The following HECW1 variants were observed in gnomAD, a reference collection of about 807,000 sequenced individuals.
HECW1 encodes the protein E3 ubiquitin-protein ligase HECW1.
Under a neutral mutation model 182.3 loss-of-function variants are expected in HECW1, and 61 were observed. The observed-to-expected ratio is 0.33, with a 90% CI of 0.27 to 0.41. HECW1 has a LOEUF of 0.41. HECW1 is among the 10% of genes least tolerant of loss of function. The probability of loss-of-function intolerance (pLI) is 1.00; values close to 1 mark genes in which losing one functional copy is unlikely to be tolerated. For missense variants in HECW1, 1,739 were observed against 2,108.9 expected (o/e 0.82, Z 3.44); for synonymous variants, 859 against 832.6 (o/e 1.03, Z -0.55).
At chr7:43,281,162 C>T (rs1803851922) in intron 3 of HECW1, among the ~76,000 whole-genome samples, 3 of 152,206 alleles carry the variant, frequency 2.0e-5, no homozygotes. Context: ...GCAAAGAGCA[C>T]TGCTGAGAGT....
chr7:43,408,942 T>C (rs976675544), intron 8 of HECW1, among the ~76,000 whole-genome samples: 1 of 152,222 alleles, frequency 6.6e-6, no homozygotes, highest in African/African-American at 2.4e-5. Flanking sequence ...TAGATTACCC[T>C]CATCAGCCTA....
At chr7:43,302,678 G>T (rs907864074) in intron 3 of HECW1, among the ~76,000 whole-genome samples, 2 of 152,186 alleles carry the variant, frequency 1.3e-5, no homozygotes, top group Admixed American at 6.5e-5. Context: ...TGTATGGTCC[G>T]CAGGGCTCCT....
chr7:43,415,167 C>T (rs936971487), intron 8 of HECW1, among the ~76,000 whole-genome samples: 3 of 150,516 alleles, frequency 2.0e-5, no homozygotes, highest in African/African-American at 4.9e-5. Flanking sequence ...CGGCTGGTAC[C>T]GGTTGTTCCT....
At chr7:43,322,091 C>T (rs567993849) in intron 5 of HECW1, among the ~76,000 whole-genome samples, 39 of 152,178 alleles carry the variant, frequency 2.6e-4, no homozygotes, top group East Asian at 1.7e-3. Context: ...TTTTTTGAGA[C>T]GGAGTTTCGT....
chr7:43,124,257 G>A (rs1314638616), intron 2 of HECW1, among the ~76,000 whole-genome samples: 1 of 152,210 alleles, frequency 6.6e-6, no homozygotes, highest in African/African-American at 2.4e-5. Flanking sequence ...GAACGGCTTT[G>A]CTTTTACATT....
intron 5 of HECW1, among the ~76,000 whole-genome samples, chr7:43,344,443 T>A (rs1324293265): frequency 6.7e-6 from 1 of 148,876 alleles, no homozygotes; most frequent in Non-Finnish European, 1.5e-5. Context: ...AGAAGTCGTC[T>A]GTCAATATGA....
chr7:43,399,053 A>C (rs1584768075), intron 7 of HECW1, among the ~76,000 whole-genome samples: 1 of 152,242 alleles, frequency 6.6e-6, no homozygotes, highest in East Asian at 1.9e-4. Flanking sequence ...TCCAGGAGCA[A>C]TTTGGGGGTA....
chr7:43,196,699 T>A (rs1246574879), intron 2 of HECW1, among the ~76,000 whole-genome samples: 1 of 152,156 alleles, frequency 6.6e-6, no homozygotes, highest in Non-Finnish European at 1.5e-5. Context: ...GTTTTGATAG[T>A]TTTTTCCACA....
chr7:43,504,971 C>T (rs1282120444), intron 21 of HECW1, among the ~76,000 whole-genome samples: 2 of 152,314 alleles, frequency 1.3e-5, no homozygotes, highest in East Asian at 1.9e-4. Context: ...TCCTAATCTC[C>T]GGCAGCGTGT....
At chr7:43,162,610 A>C (rs765502041) in intron 2 of HECW1, among the ~76,000 whole-genome samples, 1 of 152,254 alleles carries the variant, frequency 6.6e-6, no homozygotes, top group African/African-American at 2.4e-5. Context: ...GTTGCCAGGC[A>C]TTAGGACATG....
chr7:43,208,829 A>G (rs73314775), intron 2 of HECW1, among the ~76,000 whole-genome samples: 2,540 of 152,262 alleles, frequency 0.017, 69 homozygotes, highest in African/African-American at 0.058. Flanking sequence ...GGCTTCCAGC[A>G]TGGAACCGGA....
chr7:43,172,384 T>G (rs1791784245), intron 2 of HECW1, among the ~76,000 whole-genome samples: 1 of 151,566 alleles, frequency 6.6e-6, no homozygotes, highest in African/African-American at 2.4e-5. Context: ...TTTAGAAAAT[T>G]TTTAGTATTT....
At chr7:43,540,124 T>C (rs2081312280) in intron 24 of HECW1, among the ~76,000 whole-genome samples, 1 of 152,258 alleles carries the variant, frequency 6.6e-6, no homozygotes, top group Non-Finnish European at 1.5e-5. Flanking sequence ...ATATTTATTC[T>C]GTGGAATCAG....
chr7:43,183,991 C>T (rs1793115028), intron 2 of HECW1, among the ~76,000 whole-genome samples: 1 of 151,958 alleles, frequency 6.6e-6, no homozygotes, highest in Admixed American at 6.6e-5. Flanking sequence ...TGATTTGTAG[C>T]ATTTGCCAAT....
At chr7:43,466,061 GGGAA>G (rs879276555) in intron 14 of HECW1, among the ~76,000 whole-genome samples, 101 of 128,380 alleles carry the variant, frequency 7.9e-4, no homozygotes, top group East Asian at 1.2e-3. Flanking sequence ...GAGGGAGGGA[GGGAA>G]GGAAGGAAGG....
rs1299061227 is a variant in HECW1, at chr7:43,125,772, A to C, written c.-32+11381A>C. ...GATTCTGTCTTAAAAAAAAAAAAAAAAAAAAAAAGAGTGAGGCATTAATAC... is the reference window on the plus strand; with the variant it reads ...GATTCTGTCTTAAAAAAAAAAAAAACAAAAAAAAGAGTGAGGCATTAATAC... On this transcript the variant is annotated intron_variant, in intron 2 of 29. Coordinates refer to ENST00000395891, the MANE Select transcript of HECW1 (RefSeq NM_015052.5). Among the ~76,000 whole-genome samples, 7 of 148,484 alleles carry C rather than the reference A, an allele frequency of 4.7e-5. No homozygotes were observed. In the East Asian group the frequency reaches 1.2e-3, roughly 25 times the overall value.
intron 2 of HECW1, among the ~76,000 whole-genome samples, chr7:43,234,873 C>T (rs1439138971): frequency 6.6e-6 from 1 of 152,154 alleles, no homozygotes; most frequent in Non-Finnish European, 1.5e-5. Flanking sequence ...AATGAAAAGC[C>T]CCCTCCACAT....
At chr7:43,363,761 G>T (rs1816266265) in intron 6 of HECW1, among the ~76,000 whole-genome samples, 1 of 152,210 alleles carries the variant, frequency 6.6e-6, no homozygotes, top group Admixed American at 6.5e-5. Flanking sequence ...TTTCAAAGCT[G>T]TTTATCACGC....
chr7:43,305,895 G>C (rs535274490), intron 3 of HECW1, among the ~76,000 whole-genome samples: 2 of 152,184 alleles, frequency 1.3e-5, no homozygotes, highest in East Asian at 3.9e-4. Context: ...CAAGTAGCTG[G>C]GATTACAGGC....
Sources: gnomAD v4.1 joint callset for allele counts (sites outside exome capture counted in the v4.1 genomes callset) on GRCh38, gnomAD v4.1.1 for gene constraint, MANE v1.5 for transcripts, NCBI Gene and HGNC (gene_info 2026-07-23, HGNC 2026-07-21) for gene names.